Variants in DRC11L observed in about 807,000 individuals in gnomAD.
DRC11L encodes the protein dynein regulatory complex subunit 11 like, also known as dynein regulatory complex subunit like-11.
At chr7:151,198,999 G>A in the DRC11L span, 10 of 398,954 alleles carry the variant, frequency 2.5e-5, no homozygotes, top group Admixed American at 3.1e-4. Context: ...GTTGGGTGAG[G>A]GGAGCTGGGG....
At chr7:151,194,519 T>C in the DRC11L span, 1 of 399,168 alleles carries the variant, frequency 2.5e-6, no homozygotes, top group Non-Finnish European at 4.4e-6. Context: ...GTCTCACCTA[T>C]GTAGTCTTTC....
the DRC11L span, chr7:151,191,850 G>C: frequency 2.5e-6 from 1 of 399,198 alleles, no homozygotes; most frequent in Admixed American, 4.4e-5. Context: ...TGGATGCCCC[G>C]GGCCTCTATC....
the DRC11L span, chr7:151,205,478 C>A: frequency 1.2e-4 from 48 of 399,008 alleles, no homozygotes; most frequent in Non-Finnish European, 1.9e-4. Context: ...CCACGCTGCC[C>A]CTTGTTTGCT....
chr7:151,191,723 G>A, the DRC11L span: 1 of 399,294 alleles, frequency 2.5e-6, no homozygotes, highest in Non-Finnish European at 4.4e-6. Flanking sequence ...GGGCCGCTTG[G>A]ACAGTTGCAG....
At chr7:151,202,152 G>A in the DRC11L span, among the ~76,000 whole-genome samples, 1 of 152,168 alleles carries the variant, frequency 6.6e-6, no homozygotes, top group African/African-American at 2.4e-5. Flanking sequence ...CATGTTAAAA[G>A]GTGACCCAGA....
At chr7:151,196,012 G>A in the DRC11L span, 25 of 232,584 alleles carry the variant, frequency 1.1e-4, no homozygotes, top group East Asian at 1.6e-3. Context: ...TCAGTTTCCC[G>A]TGTGTACCAT....
At chr7:151,203,042 G>A in the DRC11L span, 11 of 399,490 alleles carry the variant, frequency 2.8e-5, no homozygotes, top group African/African-American at 1.0e-4. Context: ...TGCCTCGCCC[G>A]CTCTGCCTTT....
At chr7:151,198,948 A>T in the DRC11L span, 5 of 399,044 alleles carry the variant, frequency 1.3e-5, no homozygotes, top group Non-Finnish European at 1.8e-5. Context: ...GACATCCTCC[A>T]CGAGGCATGG....
At chr7:151,192,639 C>A in the DRC11L span, 1 of 398,970 alleles carries the variant, frequency 2.5e-6, no homozygotes, top group Non-Finnish European at 4.4e-6. Context: ...TGTGCAAGGC[C>A]CCAGTGGTTG....
At chr7:151,192,059 C>T in the DRC11L span, among the ~76,000 whole-genome samples, 1 of 152,200 alleles carries the variant, frequency 6.6e-6, no homozygotes. Flanking sequence ...GGGTCATCCT[C>T]CCAACTCAAC....
the DRC11L span, among the ~76,000 whole-genome samples, chr7:151,196,817 G>A: frequency 6.6e-6 from 1 of 152,176 alleles, no homozygotes; most frequent in Non-Finnish European, 1.5e-5. Flanking sequence ...ACCCGAAGAA[G>A]CACACCATAC....
chr7:151,194,976 A>C, the DRC11L span, among the ~76,000 whole-genome samples: 1 of 152,178 alleles, frequency 6.6e-6, no homozygotes, highest in Non-Finnish European at 1.5e-5. Flanking sequence ...TGCTCCTGGG[A>C]GAGACAGACA....
At chr7:151,200,673 C>T in the DRC11L span, among the ~76,000 whole-genome samples, 2 of 152,098 alleles carry the variant, frequency 1.3e-5, no homozygotes, top group Admixed American at 6.5e-5. Flanking sequence ...CCCCAGGGCC[C>T]CCCAGGGATT....
the DRC11L span, among the ~76,000 whole-genome samples, chr7:151,196,134 T>TG: frequency 1.1e-4 from 17 of 151,806 alleles, no homozygotes; most frequent in African/African-American, 2.7e-4. Flanking sequence ...CTGAGGATGG[T>TG]GGGGGGGTGT....
At chr7:151,198,127 T>C in the DRC11L span, among the ~76,000 whole-genome samples, 136 of 147,566 alleles carry the variant, frequency 9.2e-4, 2 homozygotes, top group Non-Finnish European at 2.2e-4. Context: ...GATGAACAGA[T>C]GGAAGGATAG....
the DRC11L span, among the ~76,000 whole-genome samples, chr7:151,204,153 C>T: frequency 6.6e-6 from 1 of 152,150 alleles, no homozygotes; most frequent in Non-Finnish European, 1.5e-5. Context: ...CTCACCAATT[C>T]CCTGCGGTTC....
the DRC11L span, among the ~76,000 whole-genome samples, chr7:151,202,112 G>A: frequency 6.6e-6 from 1 of 152,132 alleles, no homozygotes; most frequent in Non-Finnish European, 1.5e-5. Flanking sequence ...GGTGAGACAG[G>A]GGATAGAATT....
chr7:151,202,999 A>G, the DRC11L span: 1 of 399,698 alleles, frequency 2.5e-6, no homozygotes, highest in South Asian at 1.3e-4. Flanking sequence ...ATCTCTTCGA[A>G]TCTCTCGCAT....
At chr7:151,203,865 C>G in the DRC11L span, among the ~76,000 whole-genome samples, 1 of 152,328 alleles carries the variant, frequency 6.6e-6, no homozygotes, top group South Asian at 2.1e-4. Context: ...CCTGCGCCCC[C>G]ACCCCCGACC....
Sources: gnomAD v4.1 joint callset for allele counts (sites outside exome capture counted in the v4.1 genomes callset) on GRCh38, gnomAD v4.1.1 for gene constraint, MANE v1.5 for transcripts, NCBI Gene and HGNC (gene_info 2026-07-23, HGNC 2026-07-21) for gene names.